The following CYP39A1 variants were observed in gnomAD, a reference collection of about 807,000 sequenced individuals.
CYP39A1 encodes the protein cytochrome P450 family 39 subfamily A member 1.
Under a neutral mutation model 58.1 loss-of-function variants are expected in CYP39A1, and 49 were observed. The observed-to-expected ratio is 0.84, with a 90% CI of 0.67 to 1.07. The LOEUF is 1.07. Among genes scored for constraint, CYP39A1 ranks in the 50% least tolerant of loss-of-function variants. CYP39A1 has a pLI of 0.00. For synonymous variants in CYP39A1, 209 were observed against 187.6 expected (o/e 1.11, Z -0.93); for missense variants, 531 against 539.4 (o/e 0.98, Z 0.16).
chr6:46,556,372 T>C (rs114408921), intron 10 of CYP39A1, among the ~76,000 whole-genome samples: 1,838 of 151,898 alleles, frequency 0.012, 30 homozygotes, highest in African/African-American at 0.042. Flanking sequence ...TAGAGAAGAG[T>C]ATCAGAAAAG....
chr6:46,593,723 T>C (rs1318318842), intron 8 of CYP39A1, among the ~76,000 whole-genome samples: 1 of 152,168 alleles, frequency 6.6e-6, no homozygotes, highest in East Asian at 1.9e-4. Context: ...ACTGATTAAA[T>C]GTGATCCATT....
chr6:46,617,530 A>G (rs1774685477), intron 7 of CYP39A1, among the ~76,000 whole-genome samples: 1 of 152,156 alleles, frequency 6.6e-6, no homozygotes, highest in African/African-American at 2.4e-5. Context: ...GGAAGATTAA[A>G]GTGGAAGCAA....
At chr6:46,634,676 C>A (rs1286510601) in intron 5 of CYP39A1, among the ~76,000 whole-genome samples, 3 of 151,918 alleles carry the variant, frequency 2.0e-5, no homozygotes, top group African/African-American at 7.3e-5. Context: ...CGCGCACCAC[C>A]ATGCCAGGCT....
chr6:46,588,080 A>T lies in CYP39A1; in HGVS notation c.1115T>A (p.Leu372Gln). Residue 372 changes from leucine (L) to glutamine (Q), a missense_variant, in exon 9 of 12, where the codon CTG (leucine) becomes CAG (glutamine). By Grantham distance (113) the Leu-to-Gln change is moderately radical. Transcript: ENST00000275016. ...AGGAAAATACTTTGGATTTCTATGC[A>T]GCCAAAATGGAGACAACATCAACAA... ...GDLLMLSPFW[L>Q]HRNPKYFPEP... 1 of 1,599,644 alleles carries T rather than the reference A, an allele frequency of 6.3e-7. No individual in the cohort carries two copies. The highest frequency in any genetic ancestry group is 8.5e-7 in the Non-Finnish European group (1 of 1,172,868).
chr6:46,634,084 C>G (rs1775817150), intron 5 of CYP39A1, among the ~76,000 whole-genome samples: 1 of 152,214 alleles, frequency 6.6e-6, no homozygotes, highest in African/African-American at 2.4e-5. Flanking sequence ...ACGAAGCCAC[C>G]AAAATCTCAT....
chr6:46,601,452 A>C (rs1471292754), intron 7 of CYP39A1, among the ~76,000 whole-genome samples: 1 of 152,146 alleles, frequency 6.6e-6, no homozygotes, highest in Non-Finnish European at 1.5e-5. Flanking sequence ...TGGCAAATAA[A>C]GCCGTATCTA....
chr6:46,608,849 G>A (rs1774014927), intron 7 of CYP39A1, among the ~76,000 whole-genome samples: 2 of 151,742 alleles, frequency 1.3e-5, no homozygotes, highest in Non-Finnish European at 2.9e-5. Flanking sequence ...CCTGACCTCA[G>A]GTGATCCACC....
At chr6:46,636,507 A>C in intron 4 of CYP39A1, 25 bp from the exon 5 acceptor site, 2 of 1,479,452 alleles carry the variant, frequency 1.4e-6, no homozygotes, top group Non-Finnish European at 1.9e-6. Flanking sequence ...ATATATATAG[A>C]AATTAATTGG....
intron 7 of CYP39A1, among the ~76,000 whole-genome samples, chr6:46,600,758 A>G (rs1026148333): frequency 2.0e-5 from 3 of 152,140 alleles, no homozygotes; most frequent in African/African-American, 2.4e-5. Context: ...ACCTTGCCCT[A>G]TGTGCTTCCT....
intron 11 of CYP39A1, among the ~76,000 whole-genome samples, chr6:46,551,369 GA>G (rs200719212): frequency 0.029 from 2,927 of 100,246 alleles, 38 homozygotes; most frequent in African/African-American, 0.059. Context: ...AAAGTAAAAT[GA>G]AAAAAAAAAA....
rs774618552 is a variant in CYP39A1 at position 46,652,493 on chromosome 6, CG to C, written c.89del (p.Pro30ArgfsTer21). The C allele has an allele frequency of 2.1e-4, 336 of 1,613,804 alleles. 1 individual carries two copies. The highest frequency in any genetic ancestry group is 2.7e-4 in the Non-Finnish European group (315 of 1,179,958). On this transcript the variant is annotated frameshift_variant, in exon 1 of 12. Transcript: ENST00000275016. LOFTEE classifies it high-confidence loss of function. ...TCCAAGGAATCCAGCCCTTGATGCA[CG>C]GGGGTCTACGCAAATTCTTCCGCTG... is the stretch of plus-strand genomic sequence containing the variant. ...LLQRKNLRRP[P>X]CIKGWIPWIG...
At chr6:46,558,385 C>T (rs988887267) in intron 10 of CYP39A1, among the ~76,000 whole-genome samples, 16 of 152,036 alleles carry the variant, frequency 1.1e-4, no homozygotes, top group East Asian at 3.9e-4. Context: ...ACATGGTGGC[C>T]GGAGAGAGAA....
At chr6:46,604,056 T>C (rs1197042604) in intron 7 of CYP39A1, among the ~76,000 whole-genome samples, 2 of 152,228 alleles carry the variant, frequency 1.3e-5, no homozygotes, top group Admixed American at 6.5e-5. Context: ...AGGTAGTCTA[T>C]ATTTTACAAG....
chr6:46,603,644 T>TGGCAAAATAAACCTC (rs1176379727), intron 7 of CYP39A1, among the ~76,000 whole-genome samples: 3 of 152,204 alleles, frequency 2.0e-5, no homozygotes, highest in African/African-American at 7.2e-5. Context: ...TCCTTAACCT[T>TGGCAAAATAAACCTC]GGCAAAATAA....
chr6:46,568,308 T>A (rs1771402236), intron 10 of CYP39A1, among the ~76,000 whole-genome samples: 1 of 152,172 alleles, frequency 6.6e-6, no homozygotes, highest in Admixed American at 6.6e-5. Context: ...AATACCCTTA[T>A]CAGATATGTA....
At chr6:46,650,738 AT>A (rs1488524992) in intron 1 of CYP39A1, among the ~76,000 whole-genome samples, 1 of 152,002 alleles carries the variant, frequency 6.6e-6, no homozygotes, top group Non-Finnish European at 1.5e-5. Flanking sequence ...CTGGTCTTAA[AT>A]TCCTGGCCTC....
chr6:46,639,766 C>G (rs1366031167), intron 2 of CYP39A1, 98 bp from the exon 3 acceptor site: 3 of 978,248 alleles, frequency 3.1e-6, no homozygotes, highest in Non-Finnish European at 4.5e-6. Flanking sequence ...GGACTACAGC[C>G]AAAGTCCTCT....
chr6:46,580,995 A>T (rs897325296), intron 10 of CYP39A1, among the ~76,000 whole-genome samples: 27 of 152,210 alleles, frequency 1.8e-4, no homozygotes, highest in Admixed American at 1.1e-3. Context: ...CATTATACCC[A>T]AAGGAATATA....
intron 8 of CYP39A1, among the ~76,000 whole-genome samples, chr6:46,593,941 T>A (rs2150520952): frequency 6.6e-6 from 1 of 152,272 alleles, no homozygotes; most frequent in East Asian, 1.9e-4. Context: ...ATCCAATATA[T>A]TCCTGTTATC....
Sources: gnomAD v4.1 joint callset for allele counts (sites outside exome capture counted in the v4.1 genomes callset) on GRCh38, gnomAD v4.1.1 for gene constraint, MANE v1.5 for transcripts, NCBI Gene and HGNC (gene_info 2026-07-23, HGNC 2026-07-21) for gene names.